The following NELL1 variants were observed in gnomAD, a reference collection of about 807,000 sequenced individuals.
The protein encoded by NELL1 is neural EGFL like 1, also known as protein kinase C-binding protein NELL1.
Under a neutral mutation model 107.4 loss-of-function variants are expected in NELL1, and 76 were observed. The observed-to-expected ratio is 0.71, with a 90% CI of 0.59 to 0.86. NELL1 has a LOEUF of 0.86. Ranked by LOEUF, NELL1 falls within the 40% of genes least tolerant of loss-of-function variation. The pLI, the probability that NELL1 is intolerant of heterozygous loss-of-function variation, is 0.00. For synonymous variants in NELL1, 353 were observed against 341.2 expected (o/e 1.03, Z -0.38); for missense variants, 1,024 against 1,005.5 (o/e 1.02, Z -0.25).
At chr11:20,899,461 T>C (rs12421039) in intron 5 of NELL1, among the ~76,000 whole-genome samples, 29,649 of 152,050 alleles carry the variant, frequency 0.19, 3,263 homozygotes, top group South Asian at 0.3. Context: ...TCACAATTTG[T>C]GAGATGCAGC....
intron 12 of NELL1, among the ~76,000 whole-genome samples, chr11:20,964,661 C>T (rs1362966265): frequency 6.6e-6 from 1 of 152,170 alleles, no homozygotes; most frequent in Non-Finnish European, 1.5e-5. Flanking sequence ...TTCCACTACC[C>T]ACACTGTTCC....
intron 12 of NELL1, among the ~76,000 whole-genome samples, chr11:21,032,991 A>G (rs186735900): frequency 6.6e-6 from 1 of 152,168 alleles, no homozygotes; most frequent in African/African-American, 2.4e-5. Context: ...TTTCACTTTT[A>G]TTTTTAAATA....
chr11:21,060,464 TC>T (rs1476542586), intron 12 of NELL1, among the ~76,000 whole-genome samples: 1 of 152,182 alleles, frequency 6.6e-6, no homozygotes, highest in Non-Finnish European at 1.5e-5. Context: ...TGGGGGATTG[TC>T]TTTGTGTGTG....
chr11:21,124,576 C>G (rs1010417066), intron 13 of NELL1, among the ~76,000 whole-genome samples: 2 of 149,806 alleles, frequency 1.3e-5, no homozygotes, highest in African/African-American at 2.5e-5. Context: ...GATTAGGTGT[C>G]TGGTGAGGGC....
At chr11:21,283,469 C>A (rs558666142) in intron 14 of NELL1, among the ~76,000 whole-genome samples, 36 of 152,276 alleles carry the variant, frequency 2.4e-4, no homozygotes, top group African/African-American at 8.7e-4. Flanking sequence ...CGCTGTGACC[C>A]TAACACTGCT....
intron 2 of NELL1, among the ~76,000 whole-genome samples, chr11:20,752,017 T>C (rs1308814030): frequency 6.6e-6 from 1 of 152,230 alleles, no homozygotes; most frequent in African/African-American, 2.4e-5. Context: ...TTGTCATCTG[T>C]AAACAATAGC....
chr11:21,500,941 A>G (rs982298625), intron 15 of NELL1, among the ~76,000 whole-genome samples: 1 of 151,972 alleles, frequency 6.6e-6, no homozygotes, highest in Non-Finnish European at 1.5e-5. Flanking sequence ...TTTTTCCCCT[A>G]TGCTGTGTTC....
chr11:20,972,382 A>C (rs1851519596), intron 12 of NELL1, among the ~76,000 whole-genome samples: 1 of 152,100 alleles, frequency 6.6e-6, no homozygotes, highest in Admixed American at 6.6e-5. Flanking sequence ...GGGAGGGCTA[A>C]TTCTTGGAGT....
At chr11:21,246,068 A>G (rs1858483473) in intron 14 of NELL1, among the ~76,000 whole-genome samples, 3 of 152,156 alleles carry the variant, frequency 2.0e-5, no homozygotes, top group Non-Finnish European at 4.4e-5. Context: ...AGATATAGTA[A>G]AGTATGACCA....
chr11:20,794,381 A>G (rs1189329575), intron 3 of NELL1, among the ~76,000 whole-genome samples: 1 of 152,222 alleles, frequency 6.6e-6, no homozygotes, highest in African/African-American at 2.4e-5. Context: ...TATGCACTCA[A>G]TAAACACATT....
intron 10 of NELL1, among the ~76,000 whole-genome samples, chr11:20,938,940 C>CTCTCTCTCTCTCTCTCTCTCTG (rs1216133538): frequency 1.7e-5 from 1 of 57,298 alleles, no homozygotes; most frequent in African/African-American, 4.4e-5. Flanking sequence ...CTCTCTCTCT[C>CTCTCTCTCTCTCTCTCTCTCTG]TGTGTGTGTG....
rs930026912 is a variant in NELL1 at position 21,536,979 on chromosome 11, A to T, written c.1786+2465A>T. On this transcript the variant is annotated intron_variant, in intron 16 of 19. Coordinates refer to ENST00000357134, the MANE Select transcript of NELL1 (RefSeq NM_006157.5). ...CAAGGAGCGTCTTTCTTCATCTACA[A>T]CCTGATCCCTGTTTTGCAAAGGAAA... Among the ~76,000 whole-genome samples, 6 of 152,258 alleles carry T rather than the reference A, an allele frequency of 3.9e-5. No homozygotes were observed. In the East Asian group the frequency reaches 9.7e-4, roughly 25 times the overall value.
At chr11:20,987,043 C>T (rs1415111477) in intron 12 of NELL1, among the ~76,000 whole-genome samples, 1 of 152,018 alleles carries the variant, frequency 6.6e-6, no homozygotes, top group East Asian at 1.9e-4. Flanking sequence ...GCAATTTTGC[C>T]TGGTACACCC....
chr11:21,341,004 G>GC (rs1850551826), intron 14 of NELL1, among the ~76,000 whole-genome samples: 1 of 151,964 alleles, frequency 6.6e-6, no homozygotes, highest in Non-Finnish European at 1.5e-5. Context: ...CTCCATCTCT[G>GC]CCCCCCTATA....
At chr11:21,523,812 A>G (rs192979114) in intron 15 of NELL1, among the ~76,000 whole-genome samples, 29 of 152,040 alleles carry the variant, frequency 1.9e-4, no homozygotes, top group African/African-American at 7.0e-4. Flanking sequence ...CACTCTTATC[A>G]TTTGTTTTAT....
At position 21,092,084 on chromosome 11, in the gene NELL1, G is replaced by A. The variant is rs78397453; in HGVS notation, c.1301-21505G>A. On this transcript the variant is annotated intron_variant, in intron 12 of 19. Coordinates refer to ENST00000357134, the MANE Select transcript of NELL1 (RefSeq NM_006157.5). ...ATGGCACCGAGTATTCCAAGGTGAT[G>A]TGATTTTTTTAAAACACATAATATC... 3.9e-3 allele frequency among the ~76,000 whole-genome samples: 590 copies of A among 152,336 alleles called. 4 individuals carry two copies. Among genetic ancestry groups the A allele is most frequent in the African/African-American group, 0.013 (546 of 41,578 alleles).
At chr11:21,519,542 T>TG (rs1377347306) in intron 15 of NELL1, among the ~76,000 whole-genome samples, 11 of 62,244 alleles carry the variant, frequency 1.8e-4, no homozygotes, top group African/African-American at 3.8e-4. Flanking sequence ...TGTTTTGTTT[T>TG]TTGTTTTTTT....
intron 14 of NELL1, among the ~76,000 whole-genome samples, chr11:21,306,845 C>T (rs1590822311): frequency 1.3e-5 from 2 of 152,076 alleles, no homozygotes; most frequent in South Asian, 4.1e-4. Context: ...ATGCTGTCTC[C>T]CAACTTTGCC....
At chr11:21,018,831 G>A (rs1852631201) in intron 12 of NELL1, among the ~76,000 whole-genome samples, 1 of 152,142 alleles carries the variant, frequency 6.6e-6, no homozygotes, top group Admixed American at 6.6e-5. Flanking sequence ...ATGAGTTAGA[G>A]ATGGATGCTA....
Sources: gnomAD v4.1 joint callset for allele counts (sites outside exome capture counted in the v4.1 genomes callset) on GRCh38, gnomAD v4.1.1 for gene constraint, MANE v1.5 for transcripts, NCBI Gene and HGNC (gene_info 2026-07-23, HGNC 2026-07-21) for gene names.